Variants in SLC6A5 observed in about 807,000 individuals in gnomAD.
SLC6A5 encodes solute carrier family 6 member 5.
SLC6A5 carries 58 observed loss-of-function variants against 90.5 expected under a neutral mutation model. The ratio of observed to expected loss-of-function variants is 0.64; its 90% CI spans 0.52 to 0.80. SLC6A5 has a LOEUF of 0.80. SLC6A5 is among the 30% of genes least tolerant of loss of function. The pLI is 0.00. For synonymous variants in SLC6A5, 427 were observed against 401.4 expected (o/e 1.06, Z -0.76); for missense variants, 1,015 against 1,017.6 (o/e 1.00, Z 0.03).
At chr11:20,613,624 T>C (rs1852731617) in intron 5 of SLC6A5, among the ~76,000 whole-genome samples, 1 of 151,642 alleles carries the variant, frequency 6.6e-6, no homozygotes, top group Admixed American at 6.6e-5. Context: ...TCAACCTTGG[T>C]ACCACCGATG....
At chr11:20,629,889 T>A (rs4923581) in intron 9 of SLC6A5, among the ~76,000 whole-genome samples, 3 of 151,874 alleles carry the variant, frequency 2.0e-5, no homozygotes, top group Middle Eastern at 3.4e-3. Flanking sequence ...ATTTTTTTTT[T>A]TGTGTGTGTA....
chr11:20,625,270 CTTTCT>C (rs753736222), intron 7 of SLC6A5, among the ~76,000 whole-genome samples: 1 of 152,088 alleles, frequency 6.6e-6, no homozygotes, highest in Non-Finnish European at 1.5e-5. Context: ...TTCTTTCTTT[CTTTCT>C]TTTGAGATGG....
In SLC6A5 at chr11:20,656,577, A is replaced by C. The variant is rs1267196169; in HGVS notation, c.*1709A>C. ...CATTTTACTGAGCTCTCCCTTTTCTAGGGCAAGTATCATCGCCATTTGCCA... is the reference window on the plus strand; with the variant it reads ...CATTTTACTGAGCTCTCCCTTTTCTCGGGCAAGTATCATCGCCATTTGCCA... On this transcript the variant is annotated 3_prime_UTR_variant, in exon 16 of 16. Transcript: ENST00000525748. 1 of 152,148 alleles carries C rather than the reference A, an allele frequency of 6.6e-6. No individual in the cohort carries two copies. The highest frequency in any genetic ancestry group is 1.5e-5 in the Non-Finnish European group (1 of 68,030). 9.4% of individuals were successfully genotyped at this position (152,148 alleles called of 1,614,324 possible).
intron 13 of SLC6A5, among the ~76,000 whole-genome samples, chr11:20,645,106 C>T (rs373192107): frequency 6.6e-6 from 1 of 152,132 alleles, no homozygotes; most frequent in Non-Finnish European, 1.5e-5. Flanking sequence ...AGCCACCATG[C>T]CTGGCCCAGC....
At chr11:20,600,318 C>T (rs192397783) in intron 1 of SLC6A5, among the ~76,000 whole-genome samples, 26 of 113,230 alleles carry the variant, frequency 2.3e-4, no homozygotes, top group African/African-American at 3.4e-4. Flanking sequence ...TGAATAGTTA[C>T]GCAAAAAAGA....
Position 20,617,779 on chromosome 11 carries a change from G to A in SLC6A5, c.1155G>A (p.Gly385=). The A allele has an allele frequency of 1.2e-6, 2 of 1,614,156 alleles. No individual in the cohort carries two copies. The highest frequency in any genetic ancestry group is 1.1e-5 in the South Asian group (1 of 91,084). The change falls in exon 7 of 16, where the codon GGG becomes GGA. Residue 385 remains glycine, a synonymous_variant. Transcript: ENST00000525748. ...FKYFVLKISA[G]IEYPGEIRWP... is the part of the protein sequence containing the mutation. ...ACTTTGTGCTGAAGATTTCTGCAGG[G>A]ATTGAATATCCTGGCGAGATCAGGT...
rs532642090 is a variant in SLC6A5 at position 20,628,298 on chromosome 11, A to T, written c.1499+215A>T. ...CACACCTGGCTCTGACACATGGGGG[A>T]GGCTCAGTGGCTATTTACAGGATGG... is the stretch of plus-strand genomic sequence containing the variant. On this transcript the variant is annotated intron_variant, in intron 9 of 15. Coordinates refer to ENST00000525748, the MANE Select transcript of SLC6A5 (RefSeq NM_004211.5). Among the ~76,000 whole-genome samples the T allele has an allele frequency of 1.3e-4, 20 of 152,202 alleles. No individual in the cohort carries two copies. The South Asian group carries it at 3.7e-3, about 28-fold the overall frequency.
At position 20,604,386 on chromosome 11, in the gene SLC6A5, T is replaced by C; in HGVS notation, c.641T>C (p.Val214Ala). 1.2e-6 allele frequency: 2 copies of C among 1,614,062 alleles called. No homozygotes were observed. The highest frequency in any genetic ancestry group is 2.2e-5 in the South Asian group (2 of 91,072). The change falls in exon 3 of 16, where the codon GTC (valine) becomes GCC (alanine). Residue 214 changes from valine (V) to alanine (A), a missense_variant. Physicochemically the swap from Val to Ala is moderately conservative, Grantham distance 64 (BLOSUM62 0). Coordinates refer to ENST00000525748, the MANE Select transcript of SLC6A5 (RefSeq NM_004211.5). ...MVGYAVGLGN[V>A]WRFPYLAFQN... ...GGGTACGCAGTGGGGCTGGGCAATGTCTGGAGGTTTCCCTACCTGGCCTTC... is the reference window on the plus strand; with the variant it reads ...GGGTACGCAGTGGGGCTGGGCAATGCCTGGAGGTTTCCCTACCTGGCCTTC...
intron 10 of SLC6A5, among the ~76,000 whole-genome samples, chr11:20,631,416 T>G (rs1278403768): frequency 1.3e-5 from 2 of 152,238 alleles, no homozygotes; most frequent in Non-Finnish European, 1.5e-5. Flanking sequence ...ATGTTTACTC[T>G]CTACCCAAAT....
rs1852611009 is a variant in SLC6A5, at chr11:20,607,637, A to G, written c.970A>G (p.Thr324Ala). 1 of 1,614,004 alleles carries G rather than the reference A, an allele frequency of 6.2e-7. No homozygotes were observed. Among genetic ancestry groups the G allele is most frequent in the Non-Finnish European group, 8.5e-7 (1 of 1,179,950 alleles). Residue 324 changes from threonine (T) to alanine (A), a missense_variant, in exon 5 of 16, where the codon ACC (threonine) becomes GCC (alanine). Thr to Ala is a moderately conservative substitution (Grantham distance 58). Around this residue, in one of 3 missense-constraint regions of SLC6A5, gnomAD observed 567 missense variants for 507.3 expected, o/e 1.12. Coordinates refer to ENST00000525748, the MANE Select transcript of SLC6A5 (RefSeq NM_004211.5). ...GAATACGCCAGAATGCAAAGATAAA[A>G]CCAAACTTTTATTAGGTAAGTTTGG... ...PWNTPECKDK[T>A]KLLLDSCVIS...
intron 14 of SLC6A5, among the ~76,000 whole-genome samples, chr11:20,648,629 C>T (rs934140275): frequency 3.3e-5 from 5 of 152,272 alleles, no homozygotes; most frequent in South Asian, 2.1e-4. Flanking sequence ...CACAGGCCTC[C>T]GGTGTTCCCA....
intron 4 of SLC6A5, 96 bp from the exon 5 acceptor site, chr11:20,607,383 A>C: frequency 7.1e-7 from 1 of 1,403,906 alleles, no homozygotes; most frequent in Non-Finnish European, 1.0e-6. Context: ...CATTCTGTAC[A>C]AGAGAGCCTA....
At chr11:20,606,125 TG>T (rs1852576135) in intron 3 of SLC6A5, among the ~76,000 whole-genome samples, 1 of 152,212 alleles carries the variant, frequency 6.6e-6, no homozygotes, top group Non-Finnish European at 1.5e-5. Flanking sequence ...TCAAAAATCA[TG>T]ACCATTCCCC....
intron 2 of SLC6A5, among the ~76,000 whole-genome samples, chr11:20,603,892 C>A (rs1337577285): frequency 6.6e-6 from 1 of 151,716 alleles, no homozygotes; most frequent in Non-Finnish European, 1.5e-5. Context: ...GTTGGGGGAG[C>A]CTGCTTGCCA....
At chr11:20,626,673 G>C in intron 7 of SLC6A5, 35 bp from the exon 8 acceptor site, 1 of 1,613,040 alleles carries the variant, frequency 6.2e-7, no homozygotes, top group Non-Finnish European at 8.5e-7. Context: ...CTGCAGGGCT[G>C]CTTCTTCCAG....
intron 5 of SLC6A5, among the ~76,000 whole-genome samples, chr11:20,610,373 T>G (rs1163586760): frequency 6.6e-6 from 1 of 152,202 alleles, no homozygotes; most frequent in African/African-American, 2.4e-5. Context: ...GGAACCCTGC[T>G]GCATTGCTGC....
At chr11:20,606,885 G>A in intron 3 of SLC6A5, 122 bp from the exon 4 acceptor site, 2 of 1,232,878 alleles carry the variant, frequency 1.6e-6, no homozygotes, top group Non-Finnish European at 2.3e-6. Flanking sequence ...GCTTCTTCAG[G>A]AATGGAGCTA....
intron 3 of SLC6A5, 78 bp downstream of exon 3, chr11:20,604,502 G>T (rs1852540613): frequency 6.4e-7 from 1 of 1,560,054 alleles, no homozygotes; most frequent in Non-Finnish European, 8.7e-7. Flanking sequence ...GAGCCCTCAG[G>T]CAGGGCCGCC....
intron 5 of SLC6A5, among the ~76,000 whole-genome samples, chr11:20,613,855 G>C (rs1452900227): frequency 6.6e-6 from 1 of 151,940 alleles, no homozygotes; most frequent in African/African-American, 2.4e-5. Flanking sequence ...GTTGTGGGGG[G>C]CTGTCCTGTG....
Sources: gnomAD v4.1 joint callset for allele counts (sites outside exome capture counted in the v4.1 genomes callset) on GRCh38, gnomAD v4.1.1 for gene constraint, gnomAD v4.1.1 regional missense constraint, MANE v1.5 for transcripts, NCBI Gene and HGNC (gene_info 2026-07-23, HGNC 2026-07-21) for gene names.